Variants in AOAH observed in about 807,000 individuals in gnomAD.
AOAH encodes the protein acyloxyacyl hydrolase (neutrophil).
A neutral mutation model predicts 92.2 loss-of-function variants in AOAH; 64 were observed. The ratio of observed to expected loss-of-function variants is 0.69; its 90% CI spans 0.57 to 0.86. The LOEUF (loss-of-function observed/expected upper bound fraction) is 0.86, where lower values mean the gene tolerates loss of function less well. AOAH is among the 40% of genes least tolerant of loss of function. The pLI is 0.00. For synonymous variants in AOAH, 263 were observed against 254.5 expected, an observed-to-expected ratio of 1.03 and a Z score of -0.32; for missense variants, 656 against 694.6, an observed-to-expected ratio of 0.94 and a Z score of 0.62.
In AOAH at chr7:36,659,228, T is replaced by C. The variant is rs1469763241; in HGVS notation, c.328A>G (p.Thr110Ala). Residue 110 changes from threonine (T) to alanine (A), a missense_variant, in exon 4 of 21, where the codon ACT becomes GCT. Transcript: ENST00000617537. The stretch of plus-strand genomic sequence containing the variant: ...GTGTTCTGTTTACAAAACTCCAGAG[T>C]GTGACATACCACATCAGCATTCATA... ...ADMNADVVCH[T>A]LEFCKQNTGQ... 13 of 1,613,992 alleles carry C rather than the reference T, an allele frequency of 8.1e-6. No individual in the cohort carries two copies. The South Asian group carries it at 1.3e-4, about 16-fold the overall frequency.
At chr7:36,554,113 T>G (rs1786500949) in intron 13 of AOAH, among the ~76,000 whole-genome samples, 1 of 152,220 alleles carries the variant, frequency 6.6e-6, no homozygotes, top group African/African-American at 2.4e-5. Flanking sequence ...TTTTATGGTT[T>G]TAGGTCTAAT....
At chr7:36,581,940 T>G (rs1562590675) in intron 12 of AOAH, among the ~76,000 whole-genome samples, 1 of 152,196 alleles carries the variant, frequency 6.6e-6, no homozygotes. Flanking sequence ...ACTGCATTTC[T>G]CAAGGAGTGC....
chr7:36,638,040 A>G, intron 4 of AOAH, 130 bp from the exon 5 acceptor site: 3 of 753,040 alleles, frequency 4.0e-6, no homozygotes, highest in Non-Finnish European at 6.4e-6. Context: ...TTGTAATAAA[A>G]TAATTCACAA....
chr7:36,513,369 C>G lies in AOAH; in HGVS notation c.1611G>C (p.Leu537=), dbSNP rs1790155709. The G allele has an allele frequency of 2.5e-6, 4 of 1,613,726 alleles. No homozygotes were observed. Among genetic ancestry groups the G allele is most frequent in the African/African-American group, 1.3e-5 (1 of 74,914 alleles). The change falls in exon 21 of 21, where the codon CTG becomes CTC. Residue 537 remains leucine (L), a synonymous_variant. Transcript: ENST00000617537. ...TTTTCCAGAAATGATCCGCCAACAA[C>G]AGCAAAGCCACCTGTGAGAGAGAAC... ...DGFHPNEVAL[L]LLADHFWKKV...
At chr7:36,654,716 C>T (rs138041656) in intron 4 of AOAH, among the ~76,000 whole-genome samples, 4 of 152,288 alleles carry the variant, frequency 2.6e-5, no homozygotes, top group Middle Eastern at 3.4e-3. Context: ...AGACATAGAG[C>T]GTGCAGAGTC....
chr7:36,663,375 G>A (rs1260996789), intron 3 of AOAH, among the ~76,000 whole-genome samples: 1 of 152,130 alleles, frequency 6.6e-6, no homozygotes, highest in Non-Finnish European at 1.5e-5. Context: ...TACTCTATGG[G>A]TTTGGACAAA....
intron 8 of AOAH, 98 bp downstream of exon 8, chr7:36,621,612 T>C: frequency 9.0e-7 from 1 of 1,112,926 alleles, no homozygotes; most frequent in Non-Finnish European, 1.4e-6. Context: ...CTCTTCTCTC[T>C]GTAAGTGGGA....
At chr7:36,581,738 C>A (rs1461205331) in intron 12 of AOAH, among the ~76,000 whole-genome samples, 5 of 152,042 alleles carry the variant, frequency 3.3e-5, no homozygotes, top group Admixed American at 3.3e-4. Context: ...GTTAGTTGCA[C>A]CTTTCATTAT....
intron 4 of AOAH, among the ~76,000 whole-genome samples, chr7:36,643,740 T>C (rs1251367085): frequency 6.6e-6 from 1 of 152,190 alleles, no homozygotes; most frequent in East Asian, 1.9e-4. Flanking sequence ...GATTGGATCA[T>C]GGGGGTGGAT....
chr7:36,621,590 G>T, intron 8 of AOAH, 120 bp downstream of exon 8: 1 of 963,668 alleles, frequency 1.0e-6, no homozygotes, highest in South Asian at 1.4e-5. Flanking sequence ...ACTTCAATCG[G>T]AACATGAAAA....
At chr7:36,678,696 G>A (rs1042115685) in intron 2 of AOAH, among the ~76,000 whole-genome samples, 7 of 151,884 alleles carry the variant, frequency 4.6e-5, no homozygotes, top group African/African-American at 7.3e-5. Context: ...AATAGTTTCC[G>A]GTAGTCTTCT....
In AOAH at chr7:36,516,287, C is replaced by A. The variant is rs375010687; in HGVS notation, c.1600-2907G>T. On this transcript the variant is annotated intron_variant, in intron 20 of 20. Coordinates refer to ENST00000617537, the MANE Select transcript of AOAH (RefSeq NM_001637.4). This position sits in a 1 kb window ranked among gnomAD's most constrained non-coding sequence, Gnocchi z 5.0. Reference sequence around the variant, plus strand: ...ACTCACCACATACACATATAACATACACACACCCCCCCACACAGATACCAC... The same window carrying A: ...ACTCACCACATACACATATAACATAAACACACCCCCCCACACAGATACCAC... Among the ~76,000 whole-genome samples the A allele has an allele frequency of 6.6e-6, 1 of 150,424 alleles. No individual in the cohort carries two copies. Among genetic ancestry groups the A allele is most frequent in the Non-Finnish European group, 1.5e-5 (1 of 67,528 alleles).
intron 5 of AOAH, among the ~76,000 whole-genome samples, chr7:36,634,662 T>C (rs574806260): frequency 6.6e-6 from 1 of 152,320 alleles, no homozygotes; most frequent in African/African-American, 2.4e-5. Context: ...ACTTCGGAAA[T>C]ACAGACACTA....
chr7:36,580,212 C>A (rs1788835696), intron 12 of AOAH, among the ~76,000 whole-genome samples: 1 of 152,138 alleles, frequency 6.6e-6, no homozygotes, highest in East Asian at 1.9e-4. Context: ...TTCCCTACAA[C>A]TATTGGGTCA....
intron 4 of AOAH, among the ~76,000 whole-genome samples, chr7:36,647,782 T>C (rs895642644): frequency 6.6e-6 from 1 of 151,768 alleles, no homozygotes; most frequent in African/African-American, 2.4e-5. Flanking sequence ...GATGGAACAA[T>C]AGAGCATAAA....
chr7:36,596,721 G>A (rs1790150513), intron 11 of AOAH, among the ~76,000 whole-genome samples: 1 of 152,148 alleles, frequency 6.6e-6, no homozygotes, highest in Non-Finnish European at 1.5e-5. Flanking sequence ...TAACCCTGCT[G>A]ACATCTTGAT....
intron 13 of AOAH, among the ~76,000 whole-genome samples, chr7:36,570,266 T>C (rs920703659): frequency 2.0e-5 from 3 of 152,200 alleles, no homozygotes; most frequent in African/African-American, 4.8e-5. Context: ...CCGGCAGTAT[T>C]CGTCCTTCTG....
chr7:36,524,034 T>A (rs1002216839), intron 19 of AOAH, among the ~76,000 whole-genome samples: 2 of 152,006 alleles, frequency 1.3e-5, no homozygotes, highest in Admixed American at 1.3e-4. Flanking sequence ...AATGTCAGCC[T>A]CCCCATCCCC....
intron 1 of AOAH, among the ~76,000 whole-genome samples, chr7:36,691,634 T>C (rs1463311685): frequency 6.6e-6 from 1 of 152,312 alleles, no homozygotes; most frequent in East Asian, 1.9e-4. Flanking sequence ...TACTTATGAA[T>C]TGGTGCATTT....
Sources: gnomAD v4.1 joint callset for allele counts (sites outside exome capture counted in the v4.1 genomes callset) on GRCh38, gnomAD v4.1.1 for gene constraint, Gnocchi (gnomAD v3.1) non-coding constraint, MANE v1.5 for transcripts, NCBI Gene and HGNC (gene_info 2026-07-23, HGNC 2026-07-21) for gene names.